The following EPS8 variants were observed in gnomAD, a reference collection of about 807,000 sequenced individuals.
EPS8 encodes EGFR pathway substrate 8, signaling adaptor.
Under a neutral mutation model 103.8 loss-of-function variants are expected in EPS8, and 42 were observed. The observed-to-expected ratio is 0.40, with a 90% CI of 0.32 to 0.52. The LOEUF is 0.52. Among genes scored for constraint, EPS8 ranks in the 20% least tolerant of loss-of-function variants. The pLI is 0.40. For missense variants in EPS8, 969 were observed against 1,005.1 expected, an observed-to-expected ratio of 0.96 and a Z score of 0.49; for synonymous variants, 344 against 344.6, an observed-to-expected ratio of 1.00 and a Z score of 0.02.
At chr12:15,663,920 C>CAA (rs10590703) in intron 8 of EPS8, among the ~76,000 whole-genome samples, 25 of 9,022 alleles carry the variant, frequency 2.8e-3, no homozygotes, top group Admixed American at 5.3e-3. Context: ...CACTCCATCT[C>CAA]AAAAAAAAAA....
At position 15,704,715 on chromosome 12, in the gene EPS8, G is replaced by A. The variant is rs567931518; in HGVS notation, c.-21-21743C>T. ...ACAATAAACTATACATTTAAAGATGGTTAAGTTGGTAAATTTAATATCAAC... is the reference window on the plus strand; with the variant it reads ...ACAATAAACTATACATTTAAAGATGATTAAGTTGGTAAATTTAATATCAAC... On this transcript the variant is annotated intron_variant, in intron 1 of 20. Transcript: ENST00000281172. The surrounding 1 kb of genome is among the most constrained non-coding windows in gnomAD (Gnocchi z 4.6). 2.0e-5 allele frequency among the ~76,000 whole-genome samples: 3 copies of A among 152,130 alleles called. No individual in the cohort carries two copies. The highest frequency in any genetic ancestry group is 2.4e-5 in the African/African-American group (1 of 41,420).
chr12:15,647,924 G>C (rs1193756299), intron 14 of EPS8, among the ~76,000 whole-genome samples: 1 of 152,202 alleles, frequency 6.6e-6, no homozygotes. Flanking sequence ...GGATGATGGG[G>C]ATGGTTTTGG....
rs951853678 is a variant in EPS8, at chr12:15,713,773, G to C, written c.-21-30801C>G. ...AGTTAAAAAATGGTGTCGGGGAGGAGAAATTCACTCATAGTCATATTAAGA... is the reference window on the plus strand; with the variant it reads ...AGTTAAAAAATGGTGTCGGGGAGGACAAATTCACTCATAGTCATATTAAGA... On this transcript the variant is annotated intron_variant, in intron 1 of 20. Transcript: ENST00000281172. The surrounding 1 kb of genome is among the most constrained non-coding windows in gnomAD (Gnocchi z 4.8). Among the ~76,000 whole-genome samples, 4 of 152,186 alleles carry C rather than the reference G, an allele frequency of 2.6e-5. No individual in the cohort carries two copies. Among genetic ancestry groups the C allele is most frequent in the African/African-American group, 9.6e-5 (4 of 41,452 alleles).
chr12:15,676,213 T>C (rs1201970635), intron 3 of EPS8, among the ~76,000 whole-genome samples: 6 of 145,148 alleles, frequency 4.1e-5, no homozygotes, highest in African/African-American at 1.0e-4. Flanking sequence ...TGAGCCGAGA[T>C]TGCGCCACTG....
chr12:15,675,068 T>C (rs1178603009), intron 3 of EPS8, among the ~76,000 whole-genome samples: 1 of 152,104 alleles, frequency 6.6e-6, no homozygotes, highest in Non-Finnish European at 1.5e-5. Flanking sequence ...GGACAACATA[T>C]GGAATGGATA....
intron 20 of EPS8, among the ~76,000 whole-genome samples, chr12:15,622,829 T>G (rs1320978624): frequency 1.3e-5 from 2 of 152,148 alleles, no homozygotes; most frequent in Admixed American, 6.6e-5. Flanking sequence ...TCTGGCCTCT[T>G]AAGGCTCTTA....
intron 3 of EPS8, among the ~76,000 whole-genome samples, chr12:15,675,158 C>T (rs1945881807): frequency 6.6e-6 from 1 of 151,904 alleles, no homozygotes; most frequent in Non-Finnish European, 1.5e-5. Flanking sequence ...ATAGTAAACC[C>T]AATTATACAG....
chr12:15,654,637 T>C (rs1396448255), intron 12 of EPS8, among the ~76,000 whole-genome samples: 1 of 152,198 alleles, frequency 6.6e-6, no homozygotes, highest in Non-Finnish European at 1.5e-5. Context: ...TTGTTTTAAA[T>C]ATGTGTTTCT....
intron 12 of EPS8, among the ~76,000 whole-genome samples, chr12:15,656,504 T>C (rs1945510011): frequency 6.6e-6 from 1 of 152,194 alleles, no homozygotes; most frequent in African/African-American, 2.4e-5. Flanking sequence ...TACTTTCCTA[T>C]GTTTGTAAAG....
intron 12 of EPS8, 46 bp downstream of exon 12, chr12:15,658,033 A>C (rs1326528955): frequency 8.0e-7 from 1 of 1,245,556 alleles, no homozygotes; most frequent in Admixed American, 1.7e-5. Flanking sequence ...CTTGGGGTTA[A>C]AAAATATACT....
rs560304364 is a variant in EPS8 at position 15,716,744 on chromosome 12, C to A, written c.-21-33772G>T. On this transcript the variant is annotated intron_variant, in intron 1 of 20. Coordinates refer to ENST00000281172, the MANE Select transcript of EPS8 (RefSeq NM_004447.6). This position sits in a 1 kb window ranked among gnomAD's most constrained non-coding sequence, Gnocchi z 5.0. ...AATCTGTAAGCTAAGATCATCAGAT[C>A]CAAAATGATGTGAGGTCACTTACAT... Among the ~76,000 whole-genome samples the A allele has an allele frequency of 6.6e-6, 1 of 152,202 alleles. No individual in the cohort carries two copies. The highest frequency in any genetic ancestry group is 1.5e-5 in the Non-Finnish European group (1 of 68,006).
intron 10 of EPS8, among the ~76,000 whole-genome samples, chr12:15,660,298 G>A (rs1945582232): frequency 6.7e-6 from 1 of 148,870 alleles, no homozygotes; most frequent in African/African-American, 2.5e-5. Flanking sequence ...TTTTTGACAT[G>A]GAGTTTCCAG....
intron 3 of EPS8, among the ~76,000 whole-genome samples, chr12:15,673,698 A>G (rs1241218491): frequency 6.6e-6 from 1 of 152,196 alleles, no homozygotes; most frequent in East Asian, 1.9e-4. Flanking sequence ...TCCTTTCCAA[A>G]TTAAGAATGT....
rs1429540592 is a variant in EPS8, at chr12:15,727,866, AT to A, written c.-21-44895del. On this transcript the variant is annotated intron_variant, in intron 1 of 20. Transcript: ENST00000281172. The surrounding 1 kb of genome is among the most constrained non-coding windows in gnomAD (Gnocchi z 4.3). ...GAGCGAGACTCCATCCCCAAAAAAAATAAAATAAAATAAATAAGTCTAGTTT... is the reference window on the plus strand; with the variant it reads ...GAGCGAGACTCCATCCCCAAAAAAAAAAAATAAAATAAATAAGTCTAGTTT... Among the ~76,000 whole-genome samples, 5 of 152,340 alleles carry A rather than the reference AT, an allele frequency of 3.3e-5. No individual in the cohort carries two copies. Among genetic ancestry groups the A allele is most frequent in the Admixed American group, 6.5e-5 (1 of 15,312 alleles).
At chr12:15,643,318 C>A (rs1945263758) in intron 15 of EPS8, among the ~76,000 whole-genome samples, 1 of 152,144 alleles carries the variant, frequency 6.6e-6, no homozygotes. Context: ...GAAGTGTTTA[C>A]CTGAAGTGCT....
intron 3 of EPS8, among the ~76,000 whole-genome samples, chr12:15,673,091 A>T (rs781209714): frequency 3.3e-5 from 5 of 152,210 alleles, no homozygotes; most frequent in Non-Finnish European, 7.4e-5. Flanking sequence ...ACAGAAACAT[A>T]ATTTACAGAA....
rs1021418847 is a variant in EPS8 at position 15,751,910 on chromosome 12, G to A, written c.-22+37251C>T. Among the ~76,000 whole-genome samples, 8 of 152,122 alleles carry A rather than the reference G, an allele frequency of 5.3e-5. No individual in the cohort carries two copies. Among genetic ancestry groups the A allele is most frequent in the South Asian group, 4.1e-4 (2 of 4,832 alleles). Reference sequence around the variant, plus strand: ...ATCTGGCATGTGTGTAGGCATGGGCGTGGGGGAGGTGGAGAGCCAGAAAAG... The same window carrying A: ...ATCTGGCATGTGTGTAGGCATGGGCATGGGGGAGGTGGAGAGCCAGAAAAG... On this transcript the variant is annotated intron_variant, in intron 1 of 20. Coordinates refer to ENST00000281172, the MANE Select transcript of EPS8 (RefSeq NM_004447.6). This position sits in a 1 kb window ranked among gnomAD's most constrained non-coding sequence, Gnocchi z 4.3.
chr12:15,709,863 C>T (rs2950430), intron 1 of EPS8, among the ~76,000 whole-genome samples: 143,739 of 152,322 alleles, frequency 0.94, 68,379 homozygotes, highest in East Asian at 1. Context: ...ACTGTTCCAC[C>T]TCAGATCATC....
intron 6 of EPS8, among the ~76,000 whole-genome samples, chr12:15,667,551 A>G (rs890381712): frequency 6.6e-6 from 1 of 152,148 alleles, no homozygotes; most frequent in Non-Finnish European, 1.5e-5. Flanking sequence ...TTATTTAAAA[A>G]AACCCAAAAT....
Sources: allele counts gnomAD v4.1 joint callset (sites outside exome capture counted in the v4.1 genomes callset), GRCh38; gene constraint gnomAD v4.1.1; non-coding constraint Gnocchi (gnomAD v3.1); transcripts MANE v1.5; gene names NCBI Gene and HGNC (gene_info 2026-07-23, HGNC 2026-07-21).